Variants in TNS1 observed in about 807,000 individuals in gnomAD.
TNS1 encodes tensin 1, also known as tensin-1.
Under a neutral mutation model 168.6 loss-of-function variants are expected in TNS1, and 62 were observed. The observed-to-expected ratio is 0.37, with a 90% CI of 0.30 to 0.45. The LOEUF (loss-of-function observed/expected upper bound fraction) is 0.45. Ranked by LOEUF, TNS1 falls within the 20% of genes least tolerant of loss-of-function variation. The pLI is 1.00. For missense variants in TNS1, 2,240 were observed against 2,339.4 expected (o/e 0.96, Z 0.88); for synonymous variants, 934 against 933.2 (o/e 1.00, Z -0.02).
chr2:217,907,355 A>G (rs1181884982), intron 4 of TNS1, 104 bp from the exon 5 acceptor site: 8 of 683,264 alleles, frequency 1.2e-5, no homozygotes, highest in Admixed American at 6.1e-5. Context: ...GCCCCCTGAG[A>G]CAGGGATGAT....
At chr2:217,965,888 C>A (rs537113059) in intron 3 of TNS1, among the ~76,000 whole-genome samples, 3 of 152,184 alleles carry the variant, frequency 2.0e-5, no homozygotes, top group South Asian at 2.1e-4. Flanking sequence ...TCCCCTGGTA[C>A]CACACCACAA....
chr2:217,901,607 C>G (rs933419836), intron 6 of TNS1: 2 of 152,206 alleles, frequency 1.3e-5, no homozygotes, highest in African/African-American at 4.8e-5. Flanking sequence ...ATGTGCCTCT[C>G]AGAAAATGGT....
intron 3 of TNS1, among the ~76,000 whole-genome samples, chr2:217,921,079 C>G (rs1955663016): frequency 6.6e-6 from 1 of 152,006 alleles, no homozygotes; most frequent in Non-Finnish European, 1.5e-5. Flanking sequence ...GCTCCCTTCC[C>G]TGAGATAACA....
chr2:217,859,590 T>TGGAGGGCCTAACTTTG, intron 18 of TNS1: 1 of 1,497,794 alleles, frequency 6.7e-7, no homozygotes, highest in Middle Eastern at 1.7e-4. Flanking sequence ...CTTGACATTT[T>TGGAGGGCCTAACTTTG]GGAGGGCCTA....
At chr2:217,824,596 T>C (rs1223200895) in intron 22 of TNS1, among the ~76,000 whole-genome samples, 1 of 152,186 alleles carries the variant, frequency 6.6e-6, no homozygotes, top group Non-Finnish European at 1.5e-5. Context: ...TACAACCCTC[T>C]GCAAGTCGGG....
intron 6 of TNS1, chr2:217,903,707 T>TGTCTTACTTTTCTCACTGTCA: frequency 9.3e-7 from 1 of 1,069,556 alleles, no homozygotes; most frequent in Non-Finnish European, 1.4e-6. Context: ...AATTTCCTCC[T>TGTCTTACTTTTCTCACTGTCA]GGTATCTAAC....
intron 1 of TNS1, among the ~76,000 whole-genome samples, chr2:218,016,455 C>G (rs748166226): frequency 2.6e-4 from 39 of 152,218 alleles, no homozygotes; most frequent in Non-Finnish European, 4.8e-4. Context: ...ACCCACCTCT[C>G]TCCCCTTGGA....
intron 7 of TNS1, among the ~76,000 whole-genome samples, chr2:217,900,183 A>G (rs1300306117): frequency 6.6e-6 from 1 of 152,188 alleles, no homozygotes; most frequent in East Asian, 1.9e-4. Flanking sequence ...GCTCTACCAA[A>G]GGGAATAAAA....
At chr2:217,878,372 C>T (rs1261221996) in intron 18 of TNS1, among the ~76,000 whole-genome samples, 1 of 152,204 alleles carries the variant, frequency 6.6e-6, no homozygotes, top group Non-Finnish European at 1.5e-5. Context: ...CGTCAGCCAA[C>T]CCAGGACAGC....
chr2:217,820,340 T>C (rs1377390488), intron 23 of TNS1, among the ~76,000 whole-genome samples: 3 of 152,102 alleles, frequency 2.0e-5, no homozygotes, highest in African/African-American at 7.2e-5. Flanking sequence ...TCCTTTAAAA[T>C]AGGAAATGCA....
In TNS1 at chr2:217,928,511, A is replaced by G. The variant is rs186834660; in HGVS notation, c.187-8275T>C. On this transcript the variant is annotated intron_variant, in intron 3 of 32. Transcript: ENST00000682258. ...TGGAGGCAAGAAGGGGCCTGTTCCC[A>G]GCAACACCAAGCCAGGGCACACACA... is the stretch of plus-strand genomic sequence containing the variant. Among the ~76,000 whole-genome samples, 86 of 152,330 alleles carry G rather than the reference A, an allele frequency of 5.6e-4. No homozygotes were observed. The Middle Eastern group carries it at 0.027, about 48-fold the overall frequency.
intron 3 of TNS1, among the ~76,000 whole-genome samples, chr2:217,940,952 G>A (rs1320423383): frequency 6.6e-6 from 1 of 152,158 alleles, no homozygotes; most frequent in Non-Finnish European, 1.5e-5. Flanking sequence ...AGGCCTGTGA[G>A]AGGTGACTGC....
chr2:217,859,426 A>G, intron 18 of TNS1: 1 of 523,104 alleles, frequency 1.9e-6, no homozygotes, highest in East Asian at 2.9e-5. Flanking sequence ...TTGGAAAAGG[A>G]AAAAGAAAAA....
intron 18 of TNS1, among the ~76,000 whole-genome samples, chr2:217,876,077 C>T (rs1950178324): frequency 6.6e-6 from 1 of 152,170 alleles, no homozygotes; most frequent in Non-Finnish European, 1.5e-5. Flanking sequence ...TTCCCATCCT[C>T]TCTGTTGAGT....
intron 4 of TNS1, among the ~76,000 whole-genome samples, chr2:217,917,506 G>A (rs1331865667): frequency 6.6e-6 from 1 of 152,130 alleles, no homozygotes; most frequent in Non-Finnish European, 1.5e-5. Flanking sequence ...CTGGGTGCTG[G>A]GGAAAGGGAA....
chr2:217,841,012 AAGG>A (rs1325908044), intron 19 of TNS1, among the ~76,000 whole-genome samples: 1 of 152,078 alleles, frequency 6.6e-6, no homozygotes, highest in Non-Finnish European at 1.5e-5. Flanking sequence ...AGAAATGGGG[AAGG>A]AGAAGGAGAA....
intron 4 of TNS1, among the ~76,000 whole-genome samples, chr2:217,908,164 G>A (rs1953929959): frequency 6.6e-6 from 1 of 152,188 alleles, no homozygotes; most frequent in African/African-American, 2.4e-5. Flanking sequence ...CAGGGTGGAT[G>A]TATGCATAGT....
At chr2:217,836,893 A>T (rs1389074444) in intron 19 of TNS1, among the ~76,000 whole-genome samples, 7 of 152,074 alleles carry the variant, frequency 4.6e-5, no homozygotes, top group Admixed American at 4.6e-4. Context: ...TGAAGAGCAG[A>T]CAGAGAGAAG....
At chr2:217,863,725 T>C (rs1314853372) in intron 18 of TNS1, among the ~76,000 whole-genome samples, 1 of 152,052 alleles carries the variant, frequency 6.6e-6, no homozygotes, top group African/African-American at 2.4e-5. Context: ...AACTTCTGGT[T>C]CTATGGACAG....
Sources: gnomAD v4.1 joint callset for allele counts (sites outside exome capture counted in the v4.1 genomes callset) on GRCh38, gnomAD v4.1.1 for gene constraint, MANE v1.5 for transcripts, NCBI Gene and HGNC (gene_info 2026-07-23, HGNC 2026-07-21) for gene names.